FAM53A: variants seen among roughly 807,000 people sequenced by gnomAD.
FAM53A encodes family with sequence similarity 53 member A.
Under a neutral mutation model 26.6 loss-of-function variants are expected in FAM53A, and 28 were observed. That is an observed-to-expected ratio of 1.05 (90% CI 0.78 to 1.45). FAM53A has a LOEUF of 1.45. Among genes scored for constraint, FAM53A ranks in the 40% most tolerant of loss-of-function variants. The probability of loss-of-function intolerance (pLI) is 0.00; values close to 1 mark genes in which losing one functional copy is unlikely to be tolerated. For synonymous variants in FAM53A, 290 were observed against 253.1 expected (o/e 1.15, Z -1.38); for missense variants, 650 against 575.8 (o/e 1.13, Z -1.32).
intron 4 of FAM53A, among the ~76,000 whole-genome samples, chr4:1,643,137 G>A (rs970635565): frequency 1.3e-5 from 2 of 152,186 alleles, no homozygotes; most frequent in African/African-American, 2.4e-5. Context: ...CTCGGGGACA[G>A]AGCTCCTTTT....
the FAM53A span, among the ~76,000 whole-genome samples, chr4:1,601,354 G>C: frequency 9.8e-3 from 1,104 of 113,026 alleles, 266 homozygotes; most frequent in African/African-American, 0.029. Flanking sequence ...CTGCTCTTCC[G>C]GACACACCAC....
chr4:1,590,143 A>G, the FAM53A span, among the ~76,000 whole-genome samples: 1 of 152,286 alleles, frequency 6.6e-6, no homozygotes, highest in East Asian at 1.9e-4. Context: ...AGGGGTATTC[A>G]GTACTTATGA....
the FAM53A span, among the ~76,000 whole-genome samples, chr4:1,600,612 C>T: frequency 6.6e-6 from 1 of 152,190 alleles, no homozygotes; most frequent in Non-Finnish European, 1.5e-5. Context: ...CGGTCCCCAT[C>T]GGCTTGCCTC....
upstream of FAM53A, among the ~76,000 whole-genome samples, chr4:1,684,571 A>C (rs1715687792): frequency 1.3e-5 from 2 of 151,246 alleles, no homozygotes; most frequent in East Asian, 3.9e-4. Flanking sequence ...CGTGCCTGGC[A>C]CTCGGCGGCG....
chr4:1,576,135 T>G, the FAM53A span, among the ~76,000 whole-genome samples: 28 of 152,172 alleles, frequency 1.8e-4, no homozygotes, highest in Non-Finnish European at 3.5e-4. Flanking sequence ...ATCAGGGCCC[T>G]AGTCGACGCG....
chr4:1,581,781 G>C, the FAM53A span, among the ~76,000 whole-genome samples: 1 of 152,138 alleles, frequency 6.6e-6, no homozygotes, highest in Non-Finnish European at 1.5e-5. Context: ...TTTTAGTAGA[G>C]ACAGGGTTTC....
chr4:1,599,439 G>T, the FAM53A span, among the ~76,000 whole-genome samples: 6 of 152,336 alleles, frequency 3.9e-5, no homozygotes, highest in African/African-American at 1.4e-4. This position sits in a 1 kb window ranked among gnomAD's most constrained non-coding sequence, Gnocchi z 6.1. Flanking sequence ...AAGGAGACAA[G>T]GCACAGAGGC....
At position 1,673,217 on chromosome 4, in the gene FAM53A, T is replaced by C. The variant is rs556020817; in HGVS notation, c.-164-4312A>G. Among the ~76,000 whole-genome samples, 18 of 152,248 alleles carry C rather than the reference T, an allele frequency of 1.2e-4. No individual in the cohort carries two copies. The South Asian group carries it at 3.5e-3, about 30-fold the overall frequency. On this transcript the variant is annotated intron_variant, in intron 1 of 4. Coordinates refer to ENST00000308132, the MANE Select transcript of FAM53A (RefSeq NM_001174070.3). ...CTGCCCAGACTGGAGGGGGTCCCAA[T>C]GCAGCACGTGACCCTGGGTCAGAAA...
At chr4:1,633,013 CATAGGT>C (rs1715677795) in intron 1 of FAM53A, among the ~76,000 whole-genome samples, 1 of 132,052 alleles carries the variant, frequency 7.6e-6, no homozygotes, top group African/African-American at 4.1e-5. Flanking sequence ...TGCTCACACG[CATAGGT>C]ACACGCTCAT....
intron 1 of FAM53A, among the ~76,000 whole-genome samples, chr4:1,629,316 C>A (rs1039771703): frequency 1.3e-5 from 2 of 152,194 alleles, no homozygotes; most frequent in African/African-American, 2.4e-5. Flanking sequence ...TGCCACCCAG[C>A]GGCCTCCAGG....
intron 1 of FAM53A, among the ~76,000 whole-genome samples, chr4:1,681,012 C>G (rs1404505533): frequency 6.6e-6 from 1 of 152,198 alleles, no homozygotes; most frequent in East Asian, 1.9e-4. Flanking sequence ...GGTTCATCAA[C>G]TGTAGCAAAC....
exon 2 of FAM53A, chr4:1,617,957 C>T (rs1019182587): frequency 5.0e-5 from 22 of 437,182 alleles, no homozygotes; most frequent in Admixed American, 3.1e-4. Context: ...GAAGTCGCTG[C>T]GATGGTGCCA....
chr4:1,575,201 A>G, the FAM53A span, among the ~76,000 whole-genome samples: 3 of 152,224 alleles, frequency 2.0e-5, no homozygotes, highest in Non-Finnish European at 2.9e-5. Context: ...CTGTGCTTGC[A>G]GTCCCTGAGG....
intron 1 of FAM53A, among the ~76,000 whole-genome samples, chr4:1,628,844 G>T (rs1227167853): frequency 6.8e-6 from 1 of 147,762 alleles, no homozygotes; most frequent in East Asian, 2.0e-4. Context: ...GGTTGGCATG[G>T]GGGGAGGGCA....
intron 1 of FAM53A, among the ~76,000 whole-genome samples, chr4:1,631,779 A>G (rs1452665344): frequency 6.6e-6 from 1 of 152,226 alleles, no homozygotes; most frequent in Non-Finnish European, 1.5e-5. Flanking sequence ...AAAACCAAAA[A>G]TACAGAGATC....
intron 4 of FAM53A, among the ~76,000 whole-genome samples, chr4:1,653,214 C>T (rs1713034234): frequency 6.6e-6 from 1 of 152,162 alleles, no homozygotes; most frequent in African/African-American, 2.4e-5. Context: ...ACACCACACA[C>T]CCGGGTGTCC....
chr4:1,679,311 C>T (rs937740607), intron 1 of FAM53A, among the ~76,000 whole-genome samples: 3 of 147,032 alleles, frequency 2.0e-5, no homozygotes, highest in Non-Finnish European at 3.0e-5. Context: ...CACTTGAACC[C>T]AGGAGCTGAG....
intron 1 of FAM53A, among the ~76,000 whole-genome samples, chr4:1,627,641 T>C (rs368445994): frequency 2.6e-5 from 4 of 152,194 alleles, no homozygotes; most frequent in East Asian, 1.9e-4. Flanking sequence ...GCAGAGACAG[T>C]GTCCACACTG....
intron 1 of FAM53A, among the ~76,000 whole-genome samples, chr4:1,681,423 G>A (rs1159772099): frequency 6.6e-6 from 1 of 152,060 alleles, no homozygotes; most frequent in East Asian, 1.9e-4. Flanking sequence ...GATTACAGGT[G>A]TGAGCCACCA....
Sources: gnomAD v4.1 joint callset for allele counts (sites outside exome capture counted in the v4.1 genomes callset) on GRCh38, gnomAD v4.1.1 for gene constraint, Gnocchi (gnomAD v3.1) non-coding constraint, MANE v1.5 for transcripts, NCBI Gene and HGNC (gene_info 2026-07-23, HGNC 2026-07-21) for gene names.